LAMC1: variants seen among roughly 807,000 people sequenced by gnomAD.
LAMC1 encodes the protein laminin subunit gamma-1.
A neutral mutation model predicts 173.6 loss-of-function variants in LAMC1; 38 were observed. The observed-to-expected ratio is 0.22, with a 90% CI of 0.17 to 0.29. LAMC1 has a LOEUF of 0.29. LAMC1 is among the 10% of genes least tolerant of loss of function. LAMC1 has a pLI of 1.00. For missense variants in LAMC1, 1,824 were observed against 2,051.8 expected (o/e 0.89, Z 2.14); for synonymous variants, 746 against 749.1 (o/e 1.00, Z 0.07).
intron 1 of LAMC1, among the ~76,000 whole-genome samples, chr1:183,032,452 A>G (rs1466948227): frequency 6.6e-6 from 1 of 151,408 alleles, no homozygotes; most frequent in South Asian, 2.1e-4. Context: ...GATTTTTGTT[A>G]TTTTATCTTT....
intron 25 of LAMC1, among the ~76,000 whole-genome samples, 199 bp downstream of exon 25, chr1:183,136,784 A>G (rs1168696639): frequency 6.6e-6 from 1 of 152,064 alleles, no homozygotes; most frequent in East Asian, 1.9e-4. Flanking sequence ...GAACTCAGTA[A>G]AAGGGTGCTT....
At chr1:183,047,715 A>C (rs1170540536) in intron 1 of LAMC1, among the ~76,000 whole-genome samples, 1 of 152,038 alleles carries the variant, frequency 6.6e-6, no homozygotes, top group Non-Finnish European at 1.5e-5. Flanking sequence ...ACAGGAGGGG[A>C]TTGTGGGGAA....
intron 1 of LAMC1, among the ~76,000 whole-genome samples, chr1:183,046,323 C>T (rs910427002): frequency 6.6e-6 from 1 of 152,008 alleles, no homozygotes. Flanking sequence ...TAGGCCTGTG[C>T]TTATCCATGT....
chr1:183,142,584 C>T lies in LAMC1; in HGVS notation c.4624C>T (p.Leu1542=). 1 of 1,613,926 alleles carries T rather than the reference C, an allele frequency of 6.2e-7. No homozygotes were observed. The highest frequency in any genetic ancestry group is 8.5e-7 in the Non-Finnish European group (1 of 1,179,928). Residue 1542 remains leucine (L), a synonymous_variant, in exon 28 of 28, where the codon CTA becomes TTA. Coordinates refer to ENST00000258341, the MANE Select transcript of LAMC1 (RefSeq NM_002293.4). ...TAAGCTAAACGAGATTGAAGGCACC[C>T]TAAACAAAGCCAAAGATGAAATGAA... ...LNKLNEIEGT[L]NKAKDEMKVS... is the part of the protein sequence containing the mutation.
At chr1:183,068,996 A>G (rs1010705699) in intron 1 of LAMC1, among the ~76,000 whole-genome samples, 3 of 152,256 alleles carry the variant, frequency 2.0e-5, no homozygotes, top group Admixed American at 6.5e-5. Context: ...GTGGTCCCCA[A>G]CCTTTTTGGC....
chr1:183,121,133 T>A (rs1167068964), intron 11 of LAMC1, among the ~76,000 whole-genome samples: 1 of 152,154 alleles, frequency 6.6e-6, no homozygotes, highest in South Asian at 2.1e-4. Flanking sequence ...AAAAAATTAG[T>A]TTGGGCCGGG....
chr1:183,051,728 C>T (rs1654432796), intron 1 of LAMC1, among the ~76,000 whole-genome samples: 1 of 152,182 alleles, frequency 6.6e-6, no homozygotes, highest in Non-Finnish European at 1.5e-5. Flanking sequence ...TTACACTTTT[C>T]TTTGGCTTTA....
chr1:183,048,604 C>A (rs1654329162), intron 1 of LAMC1, among the ~76,000 whole-genome samples: 1 of 152,210 alleles, frequency 6.6e-6, no homozygotes, highest in African/African-American at 2.4e-5. Context: ...CTTTTAACTT[C>A]TGCTTTATGT....
At chr1:183,139,974 A>G (rs1657059648) in intron 26 of LAMC1, among the ~76,000 whole-genome samples, 1 of 152,158 alleles carries the variant, frequency 6.6e-6, no homozygotes, top group African/African-American at 2.4e-5. Flanking sequence ...GGACATTTCT[A>G]ATAAGTCCCT....
chr1:183,135,849 A>G (rs897550929), intron 24 of LAMC1, among the ~76,000 whole-genome samples: 1 of 150,082 alleles, frequency 6.7e-6, no homozygotes. Context: ...TGATTGTGCC[A>G]CTGCATTCCA....
At chr1:183,029,991 G>A (rs1203662411) in intron 1 of LAMC1, among the ~76,000 whole-genome samples, 2 of 152,166 alleles carry the variant, frequency 1.3e-5, no homozygotes, top group Admixed American at 6.5e-5. Context: ...GCCAAGTCCA[G>A]TCCAGTCCTG....
chr1:183,031,473 T>A (rs1653848625), intron 1 of LAMC1, among the ~76,000 whole-genome samples: 1 of 151,924 alleles, frequency 6.6e-6, no homozygotes, highest in Non-Finnish European at 1.5e-5. Context: ...CCCAGCTAAT[T>A]TTGTATTTTT....
intron 26 of LAMC1, 51 bp from the exon 27 acceptor site, chr1:183,140,353 A>G: frequency 1.8e-6 from 2 of 1,123,672 alleles, no homozygotes; most frequent in Non-Finnish European, 1.3e-6. Flanking sequence ...AAAGATTTAA[A>G]GAAGATGAAA....
intron 1 of LAMC1, among the ~76,000 whole-genome samples, chr1:183,094,444 C>T (rs1217568502): frequency 2.6e-5 from 4 of 152,184 alleles, no homozygotes; most frequent in Non-Finnish European, 4.4e-5. Context: ...GTTCCTTACC[C>T]AAGCATGCTC....
At chr1:183,079,236 T>G (rs1463429614) in intron 1 of LAMC1, among the ~76,000 whole-genome samples, 3 of 11,202 alleles carry the variant, frequency 2.7e-4, no homozygotes, top group Non-Finnish European at 5.2e-4. Context: ...AATCTGGTTT[T>G]TTTTTTTTTT....
At position 183,136,547 on chromosome 1, in the gene LAMC1, G is replaced by T; in HGVS notation, c.4276G>T (p.Ala1426Ser). 6.2e-7 allele frequency: 1 copy of T among 1,613,434 alleles called. No homozygotes were observed. The highest frequency in any genetic ancestry group is 8.5e-7 in the Non-Finnish European group (1 of 1,179,606). Residue 1426 changes from alanine to serine, a missense_variant, in exon 25 of 28, where the codon GCC becomes TCC. Ala to Ser is a moderately conservative substitution (Grantham distance 99, BLOSUM62 1). Transcript: ENST00000258341. ...AADATEAKNK[A>S]HEAERIASAV... is the part of the protein sequence containing the mutation. Reference sequence around the variant, plus strand: ...GGATGCCACAGAGGCCAAGAACAAGGCCCATGAGGCGGAGAGGATCGCGAG... The same window carrying T: ...GGATGCCACAGAGGCCAAGAACAAGTCCCATGAGGCGGAGAGGATCGCGAG...
intron 25 of LAMC1, 141 bp downstream of exon 25, chr1:183,136,726 T>C (rs1656953996): frequency 1.4e-6 from 1 of 694,390 alleles, no homozygotes; most frequent in Non-Finnish European, 2.4e-6. Context: ...TTGTCTTTTT[T>C]TTTTTCTTTT....
At chr1:183,110,421 T>C (rs930589171) in intron 3 of LAMC1, 67 bp from the exon 4 acceptor site, 21 of 1,279,730 alleles carry the variant, frequency 1.6e-5, no homozygotes, top group Non-Finnish European at 2.2e-5. Flanking sequence ...GTGTACATAG[T>C]TTTTCTGTGT....
intron 1 of LAMC1, among the ~76,000 whole-genome samples, chr1:183,096,330 A>G (rs771212719): frequency 4.6e-5 from 7 of 152,248 alleles, no homozygotes; most frequent in African/African-American, 7.2e-5. Context: ...TCTTAGCTCC[A>G]TAGTGATAAT....
Sources: gnomAD v4.1 joint callset for allele counts (sites outside exome capture counted in the v4.1 genomes callset) on GRCh38, gnomAD v4.1.1 for gene constraint, MANE v1.5 for transcripts, NCBI Gene and HGNC (gene_info 2026-07-23, HGNC 2026-07-21) for gene names.